BACH2: variants seen among roughly 807,000 people sequenced by gnomAD.
BACH2 encodes BACH transcriptional regulator 2.
A neutral mutation model predicts 61.8 loss-of-function variants in BACH2; 5 were observed. That is an observed-to-expected ratio of 0.08 (90% CI 0.04 to 0.17). The LOEUF (loss-of-function observed/expected upper bound fraction) is 0.17. Ranked by LOEUF, BACH2 falls within the 10% of genes least tolerant of loss-of-function variation. The pLI, the probability that BACH2 is intolerant of heterozygous loss-of-function variation, is 1.00. For synonymous variants in BACH2, 446 were observed against 440.1 expected (o/e 1.01, Z -0.17); for missense variants, 824 against 1,091.1 (o/e 0.76, Z 3.45).
intron 5 of BACH2, among the ~76,000 whole-genome samples, chr6:90,087,477 T>C (rs1781984133): frequency 6.6e-6 from 1 of 152,220 alleles, no homozygotes; most frequent in Non-Finnish European, 1.5e-5. Context: ...CAGGTACACA[T>C]GTACATTTGT....
chr6:89,944,737 A>G (rs1773632052), intron 7 of BACH2, among the ~76,000 whole-genome samples: 1 of 149,262 alleles, frequency 6.7e-6, no homozygotes, highest in African/African-American at 2.5e-5. Context: ...TTACTCTCAT[A>G]CACTTTTATC....
At chr6:90,131,000 T>C (rs1278933034) in intron 4 of BACH2, among the ~76,000 whole-genome samples, 1 of 152,188 alleles carries the variant, frequency 6.6e-6, no homozygotes, top group Non-Finnish European at 1.5e-5. Context: ...ATGTTATTAG[T>C]GTTAATATGG....
intron 8 of BACH2, among the ~76,000 whole-genome samples, chr6:89,935,998 T>C (rs942501066): frequency 6.6e-6 from 1 of 152,216 alleles, no homozygotes; most frequent in African/African-American, 2.4e-5. Flanking sequence ...GTTAAAGCAA[T>C]ATTTGAAAGA....
intron 5 of BACH2, among the ~76,000 whole-genome samples, chr6:90,032,311 C>T (rs80076816): frequency 6.8e-6 from 1 of 146,084 alleles, no homozygotes; most frequent in Non-Finnish European, 1.5e-5. Flanking sequence ...TACTTCATGT[C>T]TAAAACACCA....
chr6:90,162,004 C>T (rs746964951), intron 4 of BACH2, among the ~76,000 whole-genome samples: 4 of 152,102 alleles, frequency 2.6e-5, no homozygotes, highest in Non-Finnish European at 5.9e-5. Context: ...AGCAGGAGTT[C>T]CTCAGAGAAG....
At chr6:89,948,016 T>C (rs936082307) in intron 7 of BACH2, among the ~76,000 whole-genome samples, 2 of 152,148 alleles carry the variant, frequency 1.3e-5, no homozygotes, top group African/African-American at 4.8e-5. Context: ...AGTTCTAAAG[T>C]AAACAACTGA....
intron 4 of BACH2, among the ~76,000 whole-genome samples, chr6:90,103,053 C>G: frequency 3.5e-5 from 1 of 28,532 alleles, no homozygotes; most frequent in South Asian, 1.1e-3. Flanking sequence ...TTTTTTTTTA[C>G]CAGACTATAT....
intron 1 of BACH2, among the ~76,000 whole-genome samples, chr6:90,284,035 TAAAG>T (rs1354226766): frequency 6.6e-6 from 1 of 151,566 alleles, no homozygotes; most frequent in Non-Finnish European, 1.5e-5. Context: ...AATAAATAAA[TAAAG>T]CACTTAGAAA....
chr6:90,083,730 G>A (rs555970295), intron 5 of BACH2, among the ~76,000 whole-genome samples: 83 of 152,188 alleles, frequency 5.5e-4, no homozygotes, highest in African/African-American at 2.0e-3. Context: ...GCAGTTTCTC[G>A]AGAAGGATAA....
chr6:90,032,596 A>G (rs867820599), intron 5 of BACH2, among the ~76,000 whole-genome samples: 6 of 151,594 alleles, frequency 4.0e-5, no homozygotes, highest in African/African-American at 1.2e-4. Flanking sequence ...GCCAAAAGAC[A>G]CATGAAAAAA....
intron 8 of BACH2, among the ~76,000 whole-genome samples, chr6:89,936,080 C>T (rs1005620015): frequency 6.6e-6 from 1 of 152,208 alleles, no homozygotes; most frequent in Admixed American, 6.5e-5. Flanking sequence ...TAGACATTTT[C>T]TGGGCGCCAG....
intron 4 of BACH2, among the ~76,000 whole-genome samples, chr6:90,192,835 G>A (rs117871049): frequency 6.6e-6 from 1 of 152,156 alleles, no homozygotes; most frequent in African/African-American, 2.4e-5. Flanking sequence ...AAATCCTTAG[G>A]GTGTTAACTG....
chr6:90,059,235 G>T (rs1780547497), intron 5 of BACH2, among the ~76,000 whole-genome samples: 1 of 152,206 alleles, frequency 6.6e-6, no homozygotes. Flanking sequence ...TCTGACAAAG[G>T]GCTAATATCC....
intron 4 of BACH2, among the ~76,000 whole-genome samples, chr6:90,143,417 C>T (rs1206747586): frequency 2.0e-5 from 3 of 152,178 alleles, no homozygotes; most frequent in African/African-American, 7.2e-5. Context: ...CTTCCCTTCT[C>T]TGTGCCTTGG....
At chr6:90,012,630 A>C (rs936355658) in intron 5 of BACH2, among the ~76,000 whole-genome samples, 1 of 118,660 alleles carries the variant, frequency 8.4e-6, no homozygotes, top group Non-Finnish European at 2.0e-5. Context: ...CTCCACCTCA[A>C]AAAAAAAAAA....
intron 4 of BACH2, among the ~76,000 whole-genome samples, chr6:90,198,422 A>G (rs186659313): frequency 6.6e-6 from 1 of 152,368 alleles, no homozygotes; most frequent in Non-Finnish European, 1.5e-5. Context: ...AGAAGTTATC[A>G]TGATTCACAG....
At chr6:90,164,319 T>C (rs1229417784) in intron 4 of BACH2, among the ~76,000 whole-genome samples, 1 of 152,054 alleles carries the variant, frequency 6.6e-6, no homozygotes, top group Admixed American at 6.5e-5. Flanking sequence ...CTAGAAGAAA[T>C]GGATAAATTC....
chr6:89,965,987 T>C (rs1387951788), intron 6 of BACH2, among the ~76,000 whole-genome samples: 1 of 152,160 alleles, frequency 6.6e-6, no homozygotes, highest in Non-Finnish European at 1.5e-5. Context: ...GTAGTTAATA[T>C]ACTTGAAAGG....
chr6:90,028,994 C>T (rs902500770), intron 5 of BACH2, among the ~76,000 whole-genome samples: 1 of 152,202 alleles, frequency 6.6e-6, no homozygotes, highest in African/African-American at 2.4e-5. Flanking sequence ...ATCAAATTAG[C>T]TCCTCTTTTC....
Sources: gnomAD v4.1 joint callset for allele counts (sites outside exome capture counted in the v4.1 genomes callset) on GRCh38, gnomAD v4.1.1 for gene constraint, MANE v1.5 for transcripts, NCBI Gene and HGNC (gene_info 2026-07-23, HGNC 2026-07-21) for gene names.